Variants in FAM200B observed in about 807,000 individuals in gnomAD.
The protein encoded by FAM200B is protein FAM200B.
A neutral mutation model predicts 33.1 loss-of-function variants in FAM200B; 32 were observed. That is an observed-to-expected ratio of 0.97 (90% confidence interval 0.73 to 1.30). FAM200B has a LOEUF of 1.30. Ranked by LOEUF, FAM200B falls within the 50% of genes most tolerant of loss-of-function variation. The pLI is 0.00. For missense variants in FAM200B, 741 were observed against 754.0 expected (o/e 0.98, Z 0.20); for synonymous variants, 240 against 264.8 (o/e 0.91, Z 0.91).
At chr4:15,667,861 G>T in the FAM200B span, among the ~76,000 whole-genome samples, 42,054 of 151,764 alleles carry the variant, frequency 0.28, 6,046 homozygotes, top group East Asian at 0.47. Context: ...GACCAACGTG[G>T]AGAAACCCCG....
chr4:15,670,125 TAAG>T, the FAM200B span, among the ~76,000 whole-genome samples: 3 of 152,256 alleles, frequency 2.0e-5, no homozygotes, highest in African/African-American at 7.2e-5. Flanking sequence ...TTTTCACTGC[TAAG>T]TAGTATTCTC....
the FAM200B span, among the ~76,000 whole-genome samples, chr4:15,648,694 T>C: frequency 6.6e-6 from 1 of 151,844 alleles, no homozygotes; most frequent in East Asian, 1.9e-4. Context: ...ATATGAAAGG[T>C]GGTTGTTGGG....
At chr4:15,674,298 T>C in the FAM200B span, among the ~76,000 whole-genome samples, 1 of 151,978 alleles carries the variant, frequency 6.6e-6, no homozygotes, top group African/African-American at 2.4e-5. Flanking sequence ...GTGGCATGAA[T>C]GTAGTACCGC....
At chr4:15,671,734 G>C in the FAM200B span, among the ~76,000 whole-genome samples, 1 of 152,160 alleles carries the variant, frequency 6.6e-6, no homozygotes, top group Non-Finnish European at 1.5e-5. Context: ...CTTATGCACA[G>C]CTCACTGATA....
upstream of FAM200B, chr4:15,681,752 A>G (rs1209132817): frequency 2.0e-5 from 3 of 152,940 alleles, no homozygotes; most frequent in Non-Finnish European, 4.4e-5. Context: ...GGGCCGATCC[A>G]GTTCTTTTCG....
At position 15,688,303 on chromosome 4, in the gene FAM200B, G is replaced by A; in HGVS notation, c.1326G>A (p.Leu442=). 1.3e-6 allele frequency: 2 copies of A among 1,549,832 alleles called. No individual in the cohort carries two copies. Among genetic ancestry groups the A allele is most frequent in the Non-Finnish European group, 1.7e-6 (2 of 1,145,486 alleles). ...ATATTTTTAGCATTCTTAATGAACT[G>A]AGTTTAAAACTACAGGGGAAAAACA... ...LTDIFSILNE[L]SLKLQGKNSD... The change falls in exon 2 of 2, where the codon CTG becomes CTA. Residue 442 remains leucine (L), a synonymous_variant. Coordinates refer to ENST00000422728, the MANE Select transcript of FAM200B (RefSeq NM_001145191.2).
the FAM200B span, among the ~76,000 whole-genome samples, chr4:15,649,291 T>C: frequency 2.4e-4 from 36 of 152,148 alleles, no homozygotes; most frequent in African/African-American, 8.7e-4. Context: ...GTTAAAAGAA[T>C]AACCAGGGCC....
the FAM200B span, among the ~76,000 whole-genome samples, chr4:15,654,367 G>C: frequency 5.9e-5 from 9 of 152,276 alleles, no homozygotes; most frequent in East Asian, 5.8e-4. Context: ...AAAATCACTA[G>C]CAAAGGGCCC....
Position 15,688,436 on chromosome 4 carries a change from T to C in FAM200B, c.1459T>C (p.Phe487Leu). ...TCCTAGCTATTACATGTTTCCAAGA[T>C]TTTTGCAGCATATTGAAGAGAATAT... The part of the protein sequence containing the change: ...NRPSYYMFPR[F>L]LQHIEENIIN... The change falls in exon 2 of 2, where the codon TTT becomes CTT. Residue 487 changes from phenylalanine (F) to leucine (L), a missense_variant. Transcript: ENST00000422728. 13 of 1,545,084 alleles carry C rather than the reference T, an allele frequency of 8.4e-6. No homozygotes were observed. The highest frequency in any genetic ancestry group is 1.1e-5 in the Non-Finnish European group (13 of 1,142,534).
In FAM200B at chr4:15,687,772, A is replaced by T; in HGVS notation, c.795A>T (p.Ser265=). 2 of 1,550,238 alleles carry T rather than the reference A, an allele frequency of 1.3e-6. No homozygotes were observed. Among genetic ancestry groups the T allele is most frequent in the Non-Finnish European group, 1.7e-6 (2 of 1,146,338 alleles). Residue 265 remains serine (S), a synonymous_variant, in exon 2 of 2, where the codon TCA becomes TCT. Transcript: ENST00000422728. ...EDFLCFLNLT[S]HLSGLDIFTE... ...TTTTGTGTTTTTTAAATTTAACCTC[A>T]CACCTAAGTGGATTAGATATTTTTA...
the FAM200B span, among the ~76,000 whole-genome samples, chr4:15,668,921 T>C: frequency 6.6e-6 from 1 of 152,212 alleles, no homozygotes; most frequent in Non-Finnish European, 1.5e-5. Flanking sequence ...CAGTAGCTCA[T>C]TTACTTTTTA....
At chr4:15,656,130 G>C in the FAM200B span, 1 of 455,032 alleles carries the variant, frequency 2.2e-6, no homozygotes, top group Non-Finnish European at 4.4e-6. Context: ...CTTGGGGGTG[G>C]GGAGAAGGGT....
At chr4:15,649,397 C>T in the FAM200B span, among the ~76,000 whole-genome samples, 13 of 151,872 alleles carry the variant, frequency 8.6e-5, no homozygotes, top group African/African-American at 3.1e-4. Flanking sequence ...GGTGAAACCC[C>T]ATCTCTGCTA....
rs746486014 is a variant in FAM200B, at chr4:15,688,608, G to A, written c.1631G>A (p.Arg544Gln). The A allele has an allele frequency of 1.2e-5, 19 of 1,551,138 alleles. No individual in the cohort carries two copies. Among genetic ancestry groups the A allele is most frequent in the Non-Finnish European group, 1.6e-5 (18 of 1,146,732 alleles). ...TGGGTAAAAGATCCATTTGCTTTTCGACACCCTGAATCAATAATTGAGCTA... is the reference window on the plus strand; with the variant it reads ...TGGGTAAAAGATCCATTTGCTTTTCAACACCCTGAATCAATAATTGAGCTA... ...NSWVKDPFAF[R>Q]HPESIIELNL... Residue 544 changes from arginine (R) to glutamine (Q), a missense_variant, in exon 2 of 2, where the codon CGA becomes CAA. Coordinates refer to ENST00000422728, the MANE Select transcript of FAM200B (RefSeq NM_001145191.2).
the FAM200B span, among the ~76,000 whole-genome samples, chr4:15,642,897 T>A: frequency 1.3e-5 from 2 of 152,194 alleles, no homozygotes; most frequent in Admixed American, 1.3e-4. Context: ...TCAGGCTGAA[T>A]CCTCATTTTT....
chr4:15,644,398 A>T, the FAM200B span: 3 of 994,926 alleles, frequency 3.0e-6, no homozygotes, highest in Non-Finnish European at 4.5e-6. Context: ...TTTCAACATT[A>T]CATCATTTAC....
At chr4:15,667,479 T>C in the FAM200B span, among the ~76,000 whole-genome samples, 7 of 152,088 alleles carry the variant, frequency 4.6e-5, no homozygotes, top group Admixed American at 1.3e-4. Flanking sequence ...CTGAATCAAA[T>C]GGAATAGTAT....
the FAM200B span, chr4:15,640,766 A>G: frequency 1.5e-6 from 2 of 1,325,036 alleles, no homozygotes; most frequent in Non-Finnish European, 2.1e-6. Flanking sequence ...AATCTAAATC[A>G]CGAAAGAAAA....
At chr4:15,646,485 A>T in the FAM200B span, among the ~76,000 whole-genome samples, 1 of 151,870 alleles carries the variant, frequency 6.6e-6, no homozygotes, top group East Asian at 1.9e-4. Flanking sequence ...GGCAAACTTA[A>T]AAATAGCCTT....
Sources: allele counts gnomAD v4.1 joint callset (sites outside exome capture counted in the v4.1 genomes callset), GRCh38; gene constraint gnomAD v4.1.1; transcripts MANE v1.5; gene names NCBI Gene and HGNC (gene_info 2026-07-23, HGNC 2026-07-21).